ELL: variants seen among roughly 807,000 people sequenced by gnomAD.
ELL encodes elongation factor for RNA polymerase II.
Under a neutral mutation model 64.0 loss-of-function variants are expected in ELL, and 18 were observed. The ratio of observed to expected loss-of-function variants is 0.28; its 90% CI spans 0.19 to 0.42. The LOEUF is 0.42. Among genes scored for constraint, ELL ranks in the 10% least tolerant of loss-of-function variants. The pLI, the probability that ELL is intolerant of heterozygous loss-of-function variation, is 1.00. For missense variants in ELL, 797 were observed against 870.4 expected, an observed-to-expected ratio of 0.92 and a Z score of 1.06; for synonymous variants, 399 against 376.2, an observed-to-expected ratio of 1.06 and a Z score of -0.70.
chr19:18,445,310 C>T (rs537882058), intron 10 of ELL, 42 bp from the exon 11 acceptor site: 26 of 1,609,120 alleles, frequency 1.6e-5, no homozygotes, highest in African/African-American at 1.2e-4. Context: ...AATGTGTCCC[C>T]GCCTACAGGA....
rs1316336729 is a variant in ELL at position 18,464,415 on chromosome 19, TC to T, written c.469+996del. On this transcript the variant is annotated intron_variant, in intron 4 of 11. Transcript: ENST00000262809. ...AAACACGCTGTCTCTTCAACTGTTC[TC>T]CCCACAGCAGCCCTGTGCTTGGGGC... Among the ~76,000 whole-genome samples, 4 of 152,262 alleles carry T rather than the reference TC, an allele frequency of 2.6e-5. No individual in the cohort carries two copies. In the South Asian group the frequency reaches 6.2e-4, roughly 24 times the overall value.
At chr19:18,461,518 C>T in intron 5 of ELL, 60 bp downstream of exon 5, 1 of 1,543,738 alleles carries the variant, frequency 6.5e-7, no homozygotes, top group Non-Finnish European at 8.7e-7. Flanking sequence ...GCCCATCCCA[C>T]CCGCACAAGA....
chr19:18,446,114 A>T, intron 10 of ELL, 195 bp downstream of exon 10: 1 of 675,000 alleles, frequency 1.5e-6, no homozygotes, highest in Non-Finnish European at 2.4e-6. Context: ...GCTGCCTTCA[A>T]GGACTCCCAC....
intron 1 of ELL, among the ~76,000 whole-genome samples, chr19:18,479,348 G>GA (rs1287971819): frequency 6.6e-6 from 1 of 152,134 alleles, no homozygotes; most frequent in Non-Finnish European, 1.5e-5. Flanking sequence ...AAATCTATGG[G>GA]AAAAAAGACC....
At chr19:18,492,741 G>A (rs915754872) in intron 1 of ELL, among the ~76,000 whole-genome samples, 1 of 152,158 alleles carries the variant, frequency 6.6e-6, no homozygotes, top group African/African-American at 2.4e-5. Flanking sequence ...CTGGCAGAGG[G>A]CAGCTCAAGT....
At chr19:18,518,248 A>C (rs546891377) in intron 1 of ELL, among the ~76,000 whole-genome samples, 14 of 151,930 alleles carry the variant, frequency 9.2e-5, no homozygotes, top group African/African-American at 3.4e-4. Context: ...TCTTGTAATT[A>C]CAGCACTTTG....
chr19:18,497,907 T>C (rs1262570156), intron 1 of ELL, among the ~76,000 whole-genome samples: 1 of 145,890 alleles, frequency 6.9e-6, no homozygotes, highest in Admixed American at 6.8e-5. Flanking sequence ...GGAGAGCAGA[T>C]CGCCTGAGGT....
intron 1 of ELL, among the ~76,000 whole-genome samples, chr19:18,490,770 T>C (rs961251031): frequency 6.6e-6 from 1 of 151,874 alleles, no homozygotes; most frequent in African/African-American, 2.4e-5. Flanking sequence ...CCCTCAAATC[T>C]CCCAGCAGGT....
intron 2 of ELL, chr19:18,472,612 G>A (rs1975086971): frequency 3.7e-6 from 2 of 546,652 alleles, no homozygotes; most frequent in African/African-American, 1.9e-5. Flanking sequence ...CACTGGGAGA[G>A]GAGAGCCGCC....
Position 18,444,268 on chromosome 19 carries a change from A to G in ELL, c.*484T>C. On this transcript the variant is annotated 3_prime_UTR_variant, in exon 12 of 12. Transcript: ENST00000262809. ...CAGAACGCAGCTGCACCTTTCGACGACCTCTGTAATACTGCAGGCAGGACC... is the reference window on the plus strand; with the variant it reads ...CAGAACGCAGCTGCACCTTTCGACGGCCTCTGTAATACTGCAGGCAGGACC... The G allele has an allele frequency of 4.3e-6, 1 of 233,366 alleles. No individual in the cohort carries two copies. The highest frequency in any genetic ancestry group is 8.5e-6 in the Non-Finnish European group (1 of 118,264). 14.5% of individuals were successfully genotyped at this position (233,366 alleles called of 1,614,324 possible).
At chr19:18,464,941 T>C (rs540811031) in intron 4 of ELL, among the ~76,000 whole-genome samples, 20 of 152,368 alleles carry the variant, frequency 1.3e-4, no homozygotes, top group African/African-American at 2.4e-4. Context: ...GCTCATTTCC[T>C]GCCTGTTGCC....
intron 1 of ELL, among the ~76,000 whole-genome samples, chr19:18,490,404 G>A (rs568793910): frequency 6.6e-6 from 1 of 152,120 alleles, no homozygotes; most frequent in Non-Finnish European, 1.5e-5. Flanking sequence ...TCAAGCCACC[G>A]TCTGTCTCCC....
intron 10 of ELL, among the ~76,000 whole-genome samples, chr19:18,445,666 G>C (rs1229291588): frequency 6.6e-6 from 1 of 152,168 alleles, no homozygotes; most frequent in African/African-American, 2.4e-5. Flanking sequence ...AAGGCAAAGG[G>C]GCCTTGGCCA....
At chr19:18,478,771 C>A (rs563842397) in intron 1 of ELL, among the ~76,000 whole-genome samples, 57 of 152,388 alleles carry the variant, frequency 3.7e-4, no homozygotes, top group African/African-American at 1.3e-3. Flanking sequence ...GACCTCAACA[C>A]AGCAGGGCAG....
rs766852235 is a variant in ELL at position 18,447,785 on chromosome 19, CT to C, written c.1466-972del. 8.0e-3 allele frequency among the ~76,000 whole-genome samples: 1,155 copies of C among 144,226 alleles called. 1 individual carries two copies. The highest frequency in any genetic ancestry group is 0.014 in the African/African-American group (574 of 39,604). 94.6% of individuals were successfully genotyped at this position (144,226 alleles called of 152,430 possible). A position where few individuals can be genotyped will look rare whatever the true frequency, so the allele number is the denominator to read the frequency against. ...CAATTTCAGATGTATCCTCAATACA[CT>C]TTTTTTTTTTTTTTAGAGACAGGGT... On this transcript the variant is annotated intron_variant, in intron 8 of 11. Transcript: ENST00000262809.
At chr19:18,513,905 T>C (rs184470743) in intron 1 of ELL, among the ~76,000 whole-genome samples, 1 of 152,260 alleles carries the variant, frequency 6.6e-6, no homozygotes, top group Non-Finnish European at 1.5e-5. Flanking sequence ...CACTCCAGAC[T>C]GGGCGACAGA....
chr19:18,473,873 C>A (rs1975118042), intron 1 of ELL, among the ~76,000 whole-genome samples: 1 of 152,196 alleles, frequency 6.6e-6, no homozygotes, highest in African/African-American at 2.4e-5. Context: ...CCACCCAGGC[C>A]TTGCTCCTGT....
intron 2 of ELL, among the ~76,000 whole-genome samples, chr19:18,470,652 G>A (rs1258357612): frequency 6.6e-6 from 1 of 152,204 alleles, no homozygotes; most frequent in East Asian, 1.9e-4. Context: ...GTGCCCTGGA[G>A]GTACTCTGTG....
chr19:18,461,890 CG>C (rs1568381002), intron 4 of ELL, 38 bp from the exon 5 acceptor site: 1 of 1,587,282 alleles, frequency 6.3e-7, no homozygotes. Context: ...ACAGAGAGGG[CG>C]CTGCCGTGTC....
Sources: gnomAD v4.1 joint callset for allele counts (sites outside exome capture counted in the v4.1 genomes callset) on GRCh38, gnomAD v4.1.1 for gene constraint, MANE v1.5 for transcripts, NCBI Gene and HGNC (gene_info 2026-07-23, HGNC 2026-07-21) for gene names.